Variants in CHAC2 observed in about 807,000 individuals in gnomAD.
CHAC2 encodes the protein ChaC glutathione specific gamma-glutamylcyclotransferase 2.
In CHAC2, 20 loss-of-function variants were observed where a neutral mutation model predicts 16.9. The ratio of observed to expected loss-of-function variants is 1.18; its 90% CI spans 0.83 to 1.72. The LOEUF is 1.72. CHAC2 is among the 40% of genes most tolerant of loss of function. The pLI is 0.00. For synonymous variants in CHAC2, 91 were observed against 77.3 expected, an observed-to-expected ratio of 1.18 and a Z score of -0.93; for missense variants, 269 against 222.2, an observed-to-expected ratio of 1.21 and a Z score of -1.34.
intron 1 of CHAC2, among the ~76,000 whole-genome samples, chr2:53,770,033 G>C (rs1673784804): frequency 1.3e-5 from 2 of 152,160 alleles, no homozygotes; most frequent in Non-Finnish European, 1.5e-5. Context: ...GCACACAGTA[G>C]CTATGCATAA....
rs368152497 is a variant in CHAC2, at chr2:53,771,992, G to C, written c.171+50G>C. On this transcript the variant is annotated intron_variant, in intron 2 of 2. Coordinates refer to ENST00000295304, the MANE Select transcript of CHAC2 (RefSeq NM_001008708.4). Reference sequence around the variant, plus strand: ...TATAATTTTAATTTTATAAAATGTTGCGATGTTTCTGTTTCAATTTGATTA... The same window carrying C: ...TATAATTTTAATTTTATAAAATGTTCCGATGTTTCTGTTTCAATTTGATTA... 31 of 1,050,522 alleles carry C rather than the reference G, an allele frequency of 3.0e-5. No individual in the cohort carries two copies. In the African/African-American group the frequency reaches 5.0e-4, roughly 17 times the overall value. 65.1% of individuals were successfully genotyped at this position (1,050,522 alleles called of 1,614,324 possible). A position where few individuals can be genotyped will look rare whatever the true frequency, so the allele number is the denominator to read the frequency against.
rs775957162 is a variant in CHAC2 at position 53,768,026 on chromosome 2, G to A, written c.135+5G>A. 5.0e-6 allele frequency: 8 copies of A among 1,612,794 alleles called. No homozygotes were observed. The highest frequency in any genetic ancestry group is 5.1e-6 in the Non-Finnish European group (6 of 1,179,952). On this transcript the variant is annotated splice_donor_5th_base_variant and intron_variant, in intron 1 of 2. Transcript: ENST00000295304. The stretch of plus-strand genomic sequence containing the variant: ...CACCGCGGGGTCCCCGGCAAGGTGA[G>A]GCGCCGGTCAGCTCCCCACACTTAC...
Position 53,771,962 on chromosome 2 carries a change from T to C in CHAC2, c.171+20T>C. ...CCTGCGGTATGGTATAAATATTCTT[T>C]TTTGTATAATTTTAATTTTATAAAA... is the stretch of plus-strand genomic sequence containing the variant. On this transcript the variant is annotated intron_variant, in intron 2 of 2. Coordinates refer to ENST00000295304, the MANE Select transcript of CHAC2 (RefSeq NM_001008708.4). 1 of 1,290,162 alleles carries C rather than the reference T, an allele frequency of 7.8e-7. No homozygotes were observed. Among genetic ancestry groups the C allele is most frequent in the Non-Finnish European group, 1.1e-6 (1 of 927,742 alleles). 79.9% of individuals were successfully genotyped at this position (1,290,162 alleles called of 1,614,324 possible).
chr2:53,768,143 T>C, intron 1 of CHAC2, 122 bp downstream of exon 1: 1 of 1,143,492 alleles, frequency 8.7e-7, no homozygotes, highest in East Asian at 2.6e-5. Flanking sequence ...AGCACATGGC[T>C]TGGGGTAACA....
chr2:53,769,086 A>G (rs1331854357), intron 1 of CHAC2, among the ~76,000 whole-genome samples: 1 of 152,244 alleles, frequency 6.6e-6, no homozygotes, highest in Admixed American at 6.5e-5. Flanking sequence ...AGTGACCTGA[A>G]AAGGGGCAAT....
intron 1 of CHAC2, among the ~76,000 whole-genome samples, chr2:53,769,739 T>G (rs1280026618): frequency 6.6e-6 from 1 of 152,144 alleles, no homozygotes; most frequent in Non-Finnish European, 1.5e-5. Flanking sequence ...TCCCAGCTAC[T>G]CTGGAGGCTG....
At chr2:53,773,240 A>G (rs935855557) in intron 2 of CHAC2, among the ~76,000 whole-genome samples, 1 of 152,170 alleles carries the variant, frequency 6.6e-6, no homozygotes, top group African/African-American at 2.4e-5. Context: ...TGAAAGGCTC[A>G]TATTTTTCAT....
chr2:53,774,287 T>G lies in CHAC2; in HGVS notation c.317T>G (p.Val106Gly), dbSNP rs372283232. The G allele has an allele frequency of 6.2e-7, 1 of 1,614,146 alleles. No individual in the cohort carries two copies. The highest frequency in any genetic ancestry group is 1.1e-5 in the South Asian group (1 of 91,074). Residue 106 changes from valine (V) to glycine (G), a missense_variant, in exon 3 of 3, where the codon GTA (valine) becomes GGA (glycine). Val to Gly is a moderately radical substitution (Grantham distance 109). Coordinates refer to ENST00000295304, the MANE Select transcript of CHAC2 (RefSeq NM_001008708.4). ...GATCCCACAACAAAACCATTCAGTGTATTGCTATATATTGGAACATGTGAT... is the reference window on the plus strand; with the variant it reads ...GATCCCACAACAAAACCATTCAGTGGATTGCTATATATTGGAACATGTGAT... ...PKDPTTKPFS[V>G]LLYIGTCDNP...
Position 53,767,913 on chromosome 2 carries a change from G to C in CHAC2, c.27G>C (p.Leu9=), listed in dbSNP as rs1673596766. MWVFGYGS[L]IWKVDFPYQD... ...TGTGGGTTTTTGGTTACGGGTCCCT[G>C]ATCTGGAAGGTGGATTTCCCCTATC... The change falls in exon 1 of 3, where the codon CTG becomes CTC. Residue 9 remains leucine, a synonymous_variant. Coordinates refer to ENST00000295304, the MANE Select transcript of CHAC2 (RefSeq NM_001008708.4). 6.2e-7 allele frequency: 1 copy of C among 1,613,484 alleles called. No homozygotes were observed. The highest frequency in any genetic ancestry group is 1.6e-4 in the Middle Eastern group (1 of 6,062).
intron 2 of CHAC2, among the ~76,000 whole-genome samples, chr2:53,773,806 A>G (rs1295510862): frequency 6.6e-5 from 10 of 151,312 alleles, no homozygotes. Context: ...AGGCCGAGGC[A>G]GGTGGATCAC....
At position 53,771,911 on chromosome 2, in the gene CHAC2, G is replaced by T. The variant is rs769412002; in HGVS notation, c.140G>T (p.Gly47Val). ...TTTTTTACCTTTTTAAAACAGCCTG[G>T]AAGAGTTGTGACTCTTGTTGAAGAT... Reference protein sequence around the residue: ...TDHRGVPGKPGRVVTLVEDPA... With the variant: ...TDHRGVPGKPVRVVTLVEDPA... Residue 47 changes from glycine (G) to valine (V), a missense_variant, in exon 2 of 3, where the codon GGA becomes GTA. Transcript: ENST00000295304. The T allele has an allele frequency of 6.4e-7, 1 of 1,565,116 alleles. No individual in the cohort carries two copies. The highest frequency in any genetic ancestry group is 8.7e-7 in the Non-Finnish European group (1 of 1,151,342).
At chr2:53,773,622 G>A (rs998565760) in intron 2 of CHAC2, among the ~76,000 whole-genome samples, 5 of 151,730 alleles carry the variant, frequency 3.3e-5, no homozygotes, top group African/African-American at 1.2e-4. Flanking sequence ...GTAAAGACGG[G>A]GTTTCACCAT....
In CHAC2 at chr2:53,774,281, T is replaced by G. The variant is rs148013512; in HGVS notation, c.311T>G (p.Phe104Cys). 4.3e-6 allele frequency: 7 copies of G among 1,613,996 alleles called. No individual in the cohort carries two copies. In the African/African-American group the frequency reaches 8.0e-5, roughly 18 times the overall value. The change falls in exon 3 of 3, where the codon TTC becomes TGC. Residue 104 changes from phenylalanine (F) to cysteine (C), a missense_variant. Coordinates refer to ENST00000295304, the MANE Select transcript of CHAC2 (RefSeq NM_001008708.4). ...FYPKDPTTKP[F>C]SVLLYIGTCD... Reference sequence around the variant, plus strand: ...CCAAAAGATCCCACAACAAAACCATTCAGTGTATTGCTATATATTGGAACA... The same window carrying G: ...CCAAAAGATCCCACAACAAAACCATGCAGTGTATTGCTATATATTGGAACA...
intron 1 of CHAC2, chr2:53,768,312 C>T (rs1673644402): frequency 3.0e-6 from 1 of 331,514 alleles, no homozygotes; most frequent in African/African-American, 2.1e-5. Flanking sequence ...GAGATGGGGA[C>T]TCCATCTCTC....
chr2:53,769,572 C>T (rs1307000541), intron 1 of CHAC2, among the ~76,000 whole-genome samples: 3 of 152,212 alleles, frequency 2.0e-5, no homozygotes, highest in Admixed American at 6.5e-5. Context: ...GCTGGCCAGG[C>T]GTGGTGGTTC....
intron 1 of CHAC2, among the ~76,000 whole-genome samples, chr2:53,768,488 G>A (rs1166588056): frequency 6.6e-6 from 1 of 152,218 alleles, no homozygotes; most frequent in Non-Finnish European, 1.5e-5. Flanking sequence ...GATTAAACGT[G>A]CATGTTACTT....
At chr2:53,772,299 C>T (rs988999860) in intron 2 of CHAC2, among the ~76,000 whole-genome samples, 25 of 152,172 alleles carry the variant, frequency 1.6e-4, no homozygotes, top group African/African-American at 5.5e-4. Flanking sequence ...CTCAGCCTCC[C>T]AAGTAGCTGG....
At chr2:53,770,208 A>G (rs1478569714) in intron 1 of CHAC2, among the ~76,000 whole-genome samples, 2 of 152,200 alleles carry the variant, frequency 1.3e-5, no homozygotes, top group Admixed American at 6.5e-5. Context: ...ATGACACAAT[A>G]TTATGCAACT....
chr2:53,768,085 C>G, intron 1 of CHAC2, 64 bp downstream of exon 1: 2 of 1,575,520 alleles, frequency 1.3e-6, no homozygotes, highest in Non-Finnish European at 1.7e-6. Context: ...ACTCCACACA[C>G]AGCACCCACA....
Sources: allele counts gnomAD v4.1 joint callset (sites outside exome capture counted in the v4.1 genomes callset), GRCh38; gene constraint gnomAD v4.1.1; transcripts MANE v1.5; gene names NCBI Gene and HGNC (gene_info 2026-07-23, HGNC 2026-07-21).